Variants in CDADC1 observed in about 807,000 individuals in gnomAD.
The protein encoded by CDADC1 is cytidine and dCMP deaminase domain containing 1, also known as dCTP deaminase.
In CDADC1, 39 loss-of-function variants were observed where a neutral mutation model predicts 54.9. The observed-to-expected ratio is 0.71, with a 90% CI of 0.55 to 0.93. The LOEUF is 0.93. CDADC1 is among the 40% of genes least tolerant of loss of function. The pLI, the probability that CDADC1 is intolerant of heterozygous loss-of-function variation, is 0.00. For missense variants in CDADC1, 518 were observed against 618.8 expected (o/e 0.84, Z 1.73); for synonymous variants, 186 against 204.0 (o/e 0.91, Z 0.75).
At chr13:49,291,550 G>T in intron 9 of CDADC1, 134 bp from the exon 10 acceptor site, 1 of 753,986 alleles carries the variant, frequency 1.3e-6, no homozygotes. Flanking sequence ...CTACAATTGA[G>T]AATTTGAAGA....
At chr13:49,287,920 C>A (rs1203338127) in intron 9 of CDADC1, among the ~76,000 whole-genome samples, 9 of 151,240 alleles carry the variant, frequency 6.0e-5, no homozygotes, top group Non-Finnish European at 1.2e-4. Context: ...CTGCAGTGAT[C>A]CATGCTTGTA....
At chr13:49,286,120 C>T in intron 8 of CDADC1, 102 bp from the exon 9 acceptor site, 1 of 973,330 alleles carries the variant, frequency 1.0e-6, no homozygotes, top group Non-Finnish European at 1.6e-6. Flanking sequence ...AGCCATTTTT[C>T]TTCCATTTTT....
chr13:49,251,802 T>G (rs1952439846), intron 2 of CDADC1, among the ~76,000 whole-genome samples: 1 of 152,036 alleles, frequency 6.6e-6, no homozygotes, highest in African/African-American at 2.4e-5. Context: ...CAACAAAATT[T>G]TATACAACTT....
chr13:49,254,816 T>C (rs1952507951), intron 2 of CDADC1, among the ~76,000 whole-genome samples: 1 of 152,212 alleles, frequency 6.6e-6, no homozygotes, highest in African/African-American at 2.4e-5. Context: ...AGCTGCATCT[T>C]GAGCAACTAG....
intron 4 of CDADC1, chr13:49,265,841 A>C: frequency 7.7e-7 from 1 of 1,293,926 alleles, no homozygotes; most frequent in Non-Finnish European, 1.0e-6. Context: ...TAATACACAA[A>C]TGTCTGTCTA....
intron 3 of CDADC1, among the ~76,000 whole-genome samples, chr13:49,257,119 A>G (rs1486791632): frequency 6.6e-6 from 1 of 152,178 alleles, no homozygotes; most frequent in Non-Finnish European, 1.5e-5. Context: ...TATTTGTTTT[A>G]TTGAGTTTGG....
intron 5 of CDADC1, among the ~76,000 whole-genome samples, chr13:49,272,731 C>A (rs1357215107): frequency 6.7e-6 from 1 of 148,730 alleles, no homozygotes; most frequent in African/African-American, 2.5e-5. Flanking sequence ...GATCTCAACT[C>A]ACTGCAACCT....
intron 4 of CDADC1, among the ~76,000 whole-genome samples, chr13:49,261,691 G>A (rs1294532745): frequency 2.0e-5 from 3 of 152,218 alleles, no homozygotes; most frequent in Admixed American, 6.5e-5. Context: ...TTTGTTGGCT[G>A]ATCTGTTCCA....
chr13:49,291,559 G>C (rs1953706014), intron 9 of CDADC1, 125 bp from the exon 10 acceptor site: 1 of 798,400 alleles, frequency 1.3e-6, no homozygotes, highest in African/African-American at 1.7e-5. Context: ...AGAATTTGAA[G>C]ATAAAATAAA....
chr13:49,262,719 C>A (rs1952716187), intron 4 of CDADC1, among the ~76,000 whole-genome samples: 1 of 151,890 alleles, frequency 6.6e-6, no homozygotes, highest in South Asian at 2.1e-4. Context: ...TTAGTAGAGA[C>A]AAGGCTTCAC....
chr13:49,274,941 A>G (rs190220360), intron 6 of CDADC1, among the ~76,000 whole-genome samples: 2 of 152,306 alleles, frequency 1.3e-5, no homozygotes, highest in African/African-American at 4.8e-5. Context: ...ATAGAGGAGG[A>G]ACCTTTGCTT....
intron 2 of CDADC1, 104 bp downstream of exon 2, chr13:49,249,069 T>C (rs1439921624): frequency 1.7e-5 from 12 of 706,770 alleles, no homozygotes; most frequent in Admixed American, 2.3e-5. Flanking sequence ...TAACAAGGCT[T>C]AAGATTTAAA....
intron 8 of CDADC1, among the ~76,000 whole-genome samples, chr13:49,281,710 AC>A (rs1202735463): frequency 1.3e-5 from 2 of 152,018 alleles, no homozygotes; most frequent in East Asian, 1.9e-4. Context: ...GGTCACCCCC[AC>A]CCCCAAACAA....
chr13:49,291,981 C>A lies in CDADC1; in HGVS notation c.*224C>A. The A allele has an allele frequency of 7.9e-7, 1 of 1,264,944 alleles. No homozygotes were observed. The highest frequency in any genetic ancestry group is 1.0e-6 in the Non-Finnish European group (1 of 1,000,992). 78.4% of individuals were successfully genotyped at this position (1,264,944 alleles called of 1,614,324 possible). ...TGTAGTAGTGTGTTATTTTATTACACGAAATGAGGGAGCAATAACTTCAAC... is the reference window on the plus strand; with the variant it reads ...TGTAGTAGTGTGTTATTTTATTACAAGAAATGAGGGAGCAATAACTTCAAC... On this transcript the variant is annotated 3_prime_UTR_variant, in exon 10 of 10. Transcript: ENST00000251108.
rs1194335487 is a variant in CDADC1, at chr13:49,292,508, G to A, written c.*751G>A. ...ATTTGAGTCTGGAATATTGAAACTAGCTTTCCTAGAATTCCATTAATAAAT... is the reference window on the plus strand; with the variant it reads ...ATTTGAGTCTGGAATATTGAAACTAACTTTCCTAGAATTCCATTAATAAAT... On this transcript the variant is annotated 3_prime_UTR_variant, in exon 10 of 10. Transcript: ENST00000251108. The A allele has an allele frequency of 9.7e-7, 1 of 1,034,192 alleles. No individual in the cohort carries two copies. The highest frequency in any genetic ancestry group is 1.2e-6 in the Non-Finnish European group (1 of 859,376). 64.1% of individuals were successfully genotyped at this position (1,034,192 alleles called of 1,614,324 possible). A position where few individuals can be genotyped will look rare whatever the true frequency, so the allele number is the denominator to read the frequency against.
chr13:49,252,931 A>G (rs186208830), intron 2 of CDADC1, among the ~76,000 whole-genome samples: 35 of 152,298 alleles, frequency 2.3e-4, no homozygotes, highest in African/African-American at 6.7e-4. Context: ...AATGTTGCCC[A>G]ATTTTGTGCC....
chr13:49,265,757 C>T, intron 4 of CDADC1: 2 of 748,702 alleles, frequency 2.7e-6, no homozygotes, highest in Non-Finnish European at 3.6e-6. Context: ...TTTTGGAGTC[C>T]TCAATAATTT....
chr13:49,259,734 C>G (rs1368155703), intron 4 of CDADC1, among the ~76,000 whole-genome samples: 2 of 152,078 alleles, frequency 1.3e-5, no homozygotes, highest in East Asian at 3.9e-4. Context: ...GTAGTCCCCA[C>G]TACTTGAGAT....
Position 49,255,852 on chromosome 13 carries a change from G to A in CDADC1, c.191G>A (p.Gly64Glu). The A allele has an allele frequency of 6.2e-7, 1 of 1,610,750 alleles. No individual in the cohort carries two copies. The highest frequency in any genetic ancestry group is 8.5e-7 in the Non-Finnish European group (1 of 1,178,962). The change falls in exon 3 of 10, where the codon GGA (glycine) becomes GAA (glutamate). Residue 64 changes from glycine to glutamate, a missense_variant. Physicochemically the swap from Gly to Glu is moderately conservative, Grantham distance 98. Coordinates refer to ENST00000251108, the MANE Select transcript of CDADC1 (RefSeq NM_030911.4). Reference sequence around the variant, plus strand: ...GATTTTTATTAGAAAAATGAAGAGGGAAAGCATGGACCCTTAGGAGATAAT... The same window carrying A: ...GATTTTTATTAGAAAAATGAAGAGGAAAAGCATGGACCCTTAGGAGATAAT... ...QRQKSQKNEEGKHGPLGDNEE... is the reference protein window; with the variant it reads ...QRQKSQKNEEEKHGPLGDNEE...
Sources: gnomAD v4.1 joint callset for allele counts (sites outside exome capture counted in the v4.1 genomes callset) on GRCh38, gnomAD v4.1.1 for gene constraint, MANE v1.5 for transcripts, NCBI Gene and HGNC (gene_info 2026-07-23, HGNC 2026-07-21) for gene names.